Variants in PRKCA observed in about 807,000 individuals in gnomAD.
The protein encoded by PRKCA is protein kinase C alpha type.
A neutral mutation model predicts 87.0 loss-of-function variants in PRKCA; 27 were observed. That is an observed-to-expected ratio of 0.31 (90% CI 0.23 to 0.43). PRKCA has a LOEUF of 0.43. Among genes scored for constraint, PRKCA ranks in the 20% least tolerant of loss-of-function variants. The pLI is 1.00. For missense variants in PRKCA, 518 were observed against 852.3 expected (o/e 0.61, Z 4.88); for synonymous variants, 329 against 311.1 (o/e 1.06, Z -0.61).
intron 3 of PRKCA, among the ~76,000 whole-genome samples, chr17:66,573,011 A>G (rs1277788610): frequency 6.6e-6 from 1 of 152,122 alleles, no homozygotes; most frequent in East Asian, 1.9e-4. Flanking sequence ...TTTTAAAAGT[A>G]TGTATTTGTT....
chr17:66,696,946 A>G (rs1014332599), intron 8 of PRKCA, among the ~76,000 whole-genome samples: 1 of 152,070 alleles, frequency 6.6e-6, no homozygotes, highest in East Asian at 1.9e-4. Context: ...CAGGTTGCTA[A>G]TGCCACCTTG....
At chr17:66,560,241 T>TTA (rs111823537) in intron 3 of PRKCA, among the ~76,000 whole-genome samples, 1 of 148,792 alleles carries the variant, frequency 6.7e-6, no homozygotes, top group African/African-American at 2.5e-5. Flanking sequence ...AAATCAGGAA[T>TTA]AAAAAAAAAA....
chr17:66,542,539 A>C (rs1170791589), intron 3 of PRKCA, among the ~76,000 whole-genome samples: 2 of 152,046 alleles, frequency 1.3e-5, no homozygotes, highest in Non-Finnish European at 2.9e-5. Flanking sequence ...TTCCAATAAG[A>C]CTTGGGTGAG....
chr17:66,453,053 G>C (rs1914403822), intron 2 of PRKCA, among the ~76,000 whole-genome samples: 1 of 152,198 alleles, frequency 6.6e-6, no homozygotes, highest in African/African-American at 2.4e-5. Context: ...GGAAGGCCAA[G>C]AATATTTTTC....
At chr17:66,692,913 G>A (rs1275608385) in intron 8 of PRKCA, among the ~76,000 whole-genome samples, 2 of 152,142 alleles carry the variant, frequency 1.3e-5, no homozygotes, top group African/African-American at 4.8e-5. Flanking sequence ...ATCACTCAGT[G>A]GGATCACACA....
At chr17:66,313,768 G>A (rs980703032) in intron 2 of PRKCA, among the ~76,000 whole-genome samples, 6 of 152,074 alleles carry the variant, frequency 3.9e-5, no homozygotes, top group African/African-American at 1.2e-4. Flanking sequence ...GTTTTTGTGC[G>A]TTAATACATT....
At chr17:66,567,111 C>T (rs531083841) in intron 3 of PRKCA, among the ~76,000 whole-genome samples, 7 of 152,182 alleles carry the variant, frequency 4.6e-5, no homozygotes, top group South Asian at 4.2e-4. Context: ...TTTCTGCTAC[C>T]GTAAGGAAAA....
chr17:66,305,159 T>C (rs1352366317), intron 1 of PRKCA, among the ~76,000 whole-genome samples: 1 of 135,642 alleles, frequency 7.4e-6, no homozygotes, highest in Non-Finnish European at 1.7e-5. Flanking sequence ...ACGGGGATTG[T>C]CTTTTTCAGT....
At chr17:66,719,596 G>A (rs1350472206) in intron 8 of PRKCA, among the ~76,000 whole-genome samples, 4 of 152,052 alleles carry the variant, frequency 2.6e-5, no homozygotes, top group Non-Finnish European at 5.9e-5. Context: ...GTGAAACCCC[G>A]TCTCTACTAA....
At chr17:66,373,779 C>T (rs1909244734) in intron 2 of PRKCA, among the ~76,000 whole-genome samples, 1 of 152,190 alleles carries the variant, frequency 6.6e-6, no homozygotes, top group Non-Finnish European at 1.5e-5. Flanking sequence ...TTCACGATCA[C>T]TTTCATCCTA....
In PRKCA at chr17:66,534,094, A is replaced by G. The variant is rs551004695; in HGVS notation, c.288+37811A>G. The stretch of plus-strand genomic sequence containing the variant: ...GCACCCCCCCCAAAAAAATTAGAAA[A>G]TGGTTAGTTTTGATTACATTCACCT... On this transcript the variant is annotated intron_variant, in intron 3 of 16. Transcript: ENST00000413366. 7.3e-5 allele frequency among the ~76,000 whole-genome samples: 11 copies of G among 150,498 alleles called. No individual in the cohort carries two copies. In the East Asian group the frequency reaches 1.6e-3, roughly 22 times the overall value.
intron 2 of PRKCA, among the ~76,000 whole-genome samples, chr17:66,447,914 C>CT (rs1914116710): frequency 6.6e-6 from 1 of 152,212 alleles, no homozygotes; most frequent in Admixed American, 6.5e-5. Context: ...CCTGTGCCTC[C>CT]TTTCCAGAGC....
chr17:66,316,759 G>A (rs1047314531), intron 2 of PRKCA, among the ~76,000 whole-genome samples: 3 of 151,956 alleles, frequency 2.0e-5, no homozygotes, highest in Non-Finnish European at 4.4e-5. Flanking sequence ...GGGTCTTACC[G>A]CATGGAAATT....
intron 2 of PRKCA, among the ~76,000 whole-genome samples, chr17:66,487,886 T>C (rs968550815): frequency 6.6e-6 from 1 of 152,188 alleles, no homozygotes; most frequent in African/African-American, 2.4e-5. Flanking sequence ...GAATATTTTT[T>C]CCAATTCTGT....
rs538085108 is a variant in PRKCA at position 66,633,732 on chromosome 17, G to A, written c.289-7623G>A. On this transcript the variant is annotated intron_variant, in intron 3 of 16. Transcript: ENST00000413366. ...CAGGATGACCTCTAACCAAAACCCT[G>A]CCATTATTTTACTCATTGCATTAAA... 1.6e-4 allele frequency among the ~76,000 whole-genome samples: 25 copies of A among 152,268 alleles called. No homozygotes were observed. The South Asian group carries it at 5.2e-3, about 32-fold the overall frequency.
chr17:66,662,273 C>T (rs749252387), intron 5 of PRKCA, among the ~76,000 whole-genome samples: 1 of 152,194 alleles, frequency 6.6e-6, no homozygotes, highest in Middle Eastern at 3.2e-3. Context: ...CACATGCCCA[C>T]CTTGTAAGTC....
chr17:66,336,593 G>A lies in PRKCA; in HGVS notation c.205+30466G>A, dbSNP rs556522229. Among the ~76,000 whole-genome samples the A allele has an allele frequency of 8.9e-4, 97 of 108,718 alleles. 3 individuals carry two copies. In the South Asian group the frequency reaches 0.03, roughly 34 times the overall value. The allele number at this position is 108,718 out of a possible 152,430, so 71.3% of individuals were successfully genotyped here. A position where few individuals can be genotyped will look rare whatever the true frequency, so the allele number is the denominator to read the frequency against. On this transcript the variant is annotated intron_variant, in intron 2 of 16. Coordinates refer to ENST00000413366, the MANE Select transcript of PRKCA (RefSeq NM_002737.3). ...TTTTCCCCCTCTCCTATTGGCTTAA[G>A]TTTTTTTGGTGGTGGTGGGGGAGTA...
intron 3 of PRKCA, among the ~76,000 whole-genome samples, chr17:66,564,811 C>T (rs988164905): frequency 2.6e-5 from 4 of 152,122 alleles, no homozygotes; most frequent in African/African-American, 7.2e-5. Flanking sequence ...GAAACCCCAT[C>T]TCTACTAAAA....
At chr17:66,409,205 G>A (rs1911622427) in intron 2 of PRKCA, among the ~76,000 whole-genome samples, 1 of 152,078 alleles carries the variant, frequency 6.6e-6, no homozygotes, top group Non-Finnish European at 1.5e-5. Context: ...GGGCTGGGAT[G>A]GGATGGAGGC....
Sources: allele counts gnomAD v4.1 joint callset (sites outside exome capture counted in the v4.1 genomes callset), GRCh38; gene constraint gnomAD v4.1.1; transcripts MANE v1.5; gene names NCBI Gene and HGNC (gene_info 2026-07-23, HGNC 2026-07-21).